The following CARD10 variants were observed in gnomAD, a reference collection of about 807,000 sequenced individuals.
The protein encoded by CARD10 is caspase recruitment domain-containing protein 10.
In CARD10, 49 loss-of-function variants were observed where a neutral mutation model predicts 114.6. The observed-to-expected ratio is 0.43, with a 90% CI of 0.34 to 0.54. The LOEUF (loss-of-function observed/expected upper bound fraction) is 0.54, where lower values mean the gene tolerates loss of function less well. Ranked by LOEUF, CARD10 falls within the 20% of genes least tolerant of loss-of-function variation. CARD10 has a pLI of 0.03. For synonymous variants in CARD10, 602 were observed against 593.2 expected, an observed-to-expected ratio of 1.01 and a Z score of -0.21; for missense variants, 1,206 against 1,397.2, an observed-to-expected ratio of 0.86 and a Z score of 2.18.
chr22:37,499,520 A>T (rs1923136482), intron 11 of CARD10, among the ~76,000 whole-genome samples: 1 of 134,318 alleles, frequency 7.4e-6, no homozygotes. Context: ...ACCCACCTCT[A>T]CTCGCTCCCT....
chr22:37,502,830 G>T, intron 10 of CARD10, 105 bp from the exon 11 acceptor site: 2 of 1,356,964 alleles, frequency 1.5e-6, no homozygotes, highest in Non-Finnish European at 2.0e-6. Context: ...GCCTTGGCAG[G>T]TTTGAGGCCC....
chr22:37,498,871 A>G lies in CARD10; in HGVS notation c.1788-1693T>C, dbSNP rs1229351216. Among the ~76,000 whole-genome samples the G allele has an allele frequency of 1.1e-4, 13 of 120,726 alleles. No homozygotes were observed. In the Admixed American group the frequency reaches 1.3e-3, roughly 12 times the overall value. The allele number at this position is 120,726 out of a possible 152,430, so 79.2% of individuals were successfully genotyped here. ...CCACATGCATAACACGAAGCTGACAATGACACCCCTTGCCCTCTGTGGGTG... is the reference window on the plus strand; with the variant it reads ...CCACATGCATAACACGAAGCTGACAGTGACACCCCTTGCCCTCTGTGGGTG... On this transcript the variant is annotated intron_variant, in intron 11 of 19. Transcript: ENST00000251973.
intron 16 of CARD10, among the ~76,000 whole-genome samples, chr22:37,493,861 G>A (rs4821668): frequency 1.3e-5 from 2 of 152,182 alleles, no homozygotes; most frequent in East Asian, 1.9e-4. Flanking sequence ...TCACAGCCAC[G>A]TCTGCATGCA....
Position 37,491,128 on chromosome 22 carries a change from T to C in CARD10, c.*31A>G. On this transcript the variant is annotated 3_prime_UTR_variant, in exon 20 of 20. Coordinates refer to ENST00000251973, the MANE Select transcript of CARD10 (RefSeq NM_014550.4). ...CATAGACACCAGGGTCCACGCTGGC[T>C]TGGGGAGAAGGTGCAGGTATCAGAT... 1 of 1,509,776 alleles carries C rather than the reference T, an allele frequency of 6.6e-7. No individual in the cohort carries two copies. 93.5% of individuals were successfully genotyped at this position (1,509,776 alleles called of 1,614,324 possible). A position where few individuals can be genotyped will look rare whatever the true frequency, so the allele number is the denominator to read the frequency against.
rs1467793360 is a variant in CARD10 at position 37,510,246 on chromosome 22, G to A, written c.875C>T (p.Ala292Val). 5.0e-6 allele frequency: 8 copies of A among 1,601,932 alleles called. No individual in the cohort carries two copies. Among genetic ancestry groups the A allele is most frequent in the African/African-American group, 1.3e-5 (1 of 74,884 alleles). ...GCCCTCCTGCAACTCCCGCAGTGAC[G>A]CCGTCAGCCGCTGGTTCTCAGCACG... ...ELRAENQRLT[A>V]SLRELQEGLQ... is the part of the protein sequence containing the mutation. Residue 292 changes from alanine (A) to valine (V), a missense_variant, in exon 4 of 20, where the codon GCG becomes GTG. Around this residue, in one of 2 missense-constraint regions of CARD10, gnomAD observed 1,068 missense variants for 1,179.1 expected, o/e 0.91. Coordinates refer to ENST00000251973, the MANE Select transcript of CARD10 (RefSeq NM_014550.4).
At chr22:37,493,020 A>C (rs1922863651) in intron 16 of CARD10, among the ~76,000 whole-genome samples, 1 of 152,028 alleles carries the variant, frequency 6.6e-6, no homozygotes, top group Non-Finnish European at 1.5e-5. Context: ...GTCATTCTCC[A>C]TCCAGCAGCC....
chr22:37,517,940 A>G, intron 2 of CARD10, 31 bp downstream of exon 2: 1 of 1,604,962 alleles, frequency 6.2e-7, no homozygotes. Context: ...CTGGAGTCCG[A>G]GGTGCCAGCA....
At position 37,510,451 on chromosome 22, in the gene CARD10, G is replaced by A. The variant is rs768993666; in HGVS notation, c.700-30C>T. On this transcript the variant is annotated intron_variant, in intron 3 of 19. Transcript: ENST00000251973. ...AGCCCAAGACATGGGTCAGCCCAGA[G>A]GGAGACACACTGGGAGCCACGGGTT... 1.1e-5 allele frequency: 17 copies of A among 1,602,834 alleles called. No individual in the cohort carries two copies. In the African/African-American group the frequency reaches 1.9e-4, roughly 18 times the overall value.
At position 37,496,897 on chromosome 22, in the gene CARD10, G is replaced by T; in HGVS notation, c.1947+122C>A. 2 of 1,198,894 alleles carry T rather than the reference G, an allele frequency of 1.7e-6. No homozygotes were observed. The highest frequency in any genetic ancestry group is 2.3e-6 in the Non-Finnish European group (2 of 855,950). 74.3% of individuals were successfully genotyped at this position (1,198,894 alleles called of 1,614,324 possible). A position where few individuals can be genotyped will look rare whatever the true frequency, so the allele number is the denominator to read the frequency against. On this transcript the variant is annotated intron_variant, in intron 12 of 19. Transcript: ENST00000251973. This position sits in a 1 kb window ranked among gnomAD's most constrained non-coding sequence, Gnocchi z 4.1. ...GCAACCACAGCTAATCACTGAGCCC[G>T]CTTCGGCTTTGACCAATCCCCAGAA... is the stretch of plus-strand genomic sequence containing the variant.
chr22:37,518,738 C>A (rs1285132613), intron 1 of CARD10, among the ~76,000 whole-genome samples: 1 of 152,200 alleles, frequency 6.6e-6, no homozygotes, highest in African/African-American at 2.4e-5. Flanking sequence ...TGGGAGAGAA[C>A]CCCAAGAGAC....
chr22:37,503,633 G>A (rs1447525285), intron 9 of CARD10, among the ~76,000 whole-genome samples: 2 of 152,098 alleles, frequency 1.3e-5, no homozygotes, highest in Non-Finnish European at 1.5e-5. Context: ...CGCAGATCAA[G>A]GCCATACTGA....
intron 1 of CARD10, 54 bp downstream of exon 1, chr22:37,518,912 C>T (rs969753345): frequency 6.8e-7 from 1 of 1,467,812 alleles, no homozygotes; most frequent in East Asian, 2.6e-5. Flanking sequence ...GTGGGCGCTG[C>T]GCCCCAGGGC....
At chr22:37,509,645 G>T (rs1170405328) in intron 4 of CARD10, among the ~76,000 whole-genome samples, 1 of 133,738 alleles carries the variant, frequency 7.5e-6, no homozygotes. Flanking sequence ...CCTCCCCGCA[G>T]CCTGTGCCCA....
At chr22:37,504,349 TC>T in intron 8 of CARD10, 48 bp from the exon 9 acceptor site, 2 of 1,312,624 alleles carry the variant, frequency 1.5e-6, no homozygotes, top group Non-Finnish European at 2.1e-6. Flanking sequence ...CCCAGCACCA[TC>T]CCAGTCCTCA....
At chr22:37,498,774 C>T (rs914153561) in intron 11 of CARD10, among the ~76,000 whole-genome samples, 31 of 152,176 alleles carry the variant, frequency 2.0e-4, no homozygotes, top group Admixed American at 3.3e-4. Context: ...CTGGAGCACA[C>T]GGTCCGCTCC....
At position 37,516,210 on chromosome 22, in the gene CARD10, C is replaced by T. The variant is rs200266181; in HGVS notation, c.462G>A (p.Glu154=). 3.2e-4 allele frequency: 506 copies of T among 1,599,208 alleles called. 2 individuals carry two copies. The highest frequency in any genetic ancestry group is 1.3e-4 in the Non-Finnish European group (156 of 1,174,086). Residue 154 remains glutamate (E), a synonymous_variant, in exon 3 of 20, where the codon GAG becomes GAA. Transcript: ENST00000251973. The part of the protein sequence containing the change: ...REARKSQLQR[E]QQLQARGRVL... ...CCCGGCCCCGGGCCTGCAGTTGCTG[C>T]TCCCGCTGCAGCTGGCTCTTGCGAG...
intron 15 of CARD10, 125 bp from the exon 16 acceptor site, chr22:37,494,313 C>T: frequency 1.6e-6 from 1 of 643,976 alleles, no homozygotes; most frequent in Non-Finnish European, 2.7e-6. Flanking sequence ...GCCAGAAGAG[C>T]CTGGGTCAGC....
Position 37,511,081 on chromosome 22 carries a change from CAA to C in CARD10, c.700-662_700-661del, listed in dbSNP as rs869295765. Among the ~76,000 whole-genome samples, 72 of 92,054 alleles carry C rather than the reference CAA, an allele frequency of 7.8e-4. 1 individual carries two copies. Among genetic ancestry groups the C allele is most frequent in the South Asian group, 4.6e-3 (12 of 2,624 alleles). The allele number at this position is 92,054 out of a possible 152,430, so 60.4% of individuals were successfully genotyped here. Reference sequence around the variant, plus strand: ...TGGGCAGCAGAGCAAGACTCTGTCTCAAAAAAAAAAAAAAAAAAAAGAATAAG... The same window carrying C: ...TGGGCAGCAGAGCAAGACTCTGTCTCAAAAAAAAAAAAAAAAAAGAATAAG... On this transcript the variant is annotated intron_variant, in intron 3 of 19. Transcript: ENST00000251973.
chr22:37,509,178 A>G, intron 4 of CARD10: 1 of 1,433,228 alleles, frequency 7.0e-7, no homozygotes, highest in Non-Finnish European at 9.2e-7. Context: ...ACTGGCTCTC[A>G]TCCCCCACTT....
Sources: allele counts gnomAD v4.1 joint callset (sites outside exome capture counted in the v4.1 genomes callset), GRCh38; gene constraint gnomAD v4.1.1; regional missense constraint gnomAD v4.1.1; non-coding constraint Gnocchi (gnomAD v3.1); transcripts MANE v1.5; gene names NCBI Gene and HGNC (gene_info 2026-07-23, HGNC 2026-07-21).